SRPK3: variants seen among roughly 807,000 people sequenced by gnomAD.
The protein encoded by SRPK3 is SFRS protein kinase 3.
Under a neutral mutation model 45.3 loss-of-function variants are expected in SRPK3, and 26 were observed. That is an observed-to-expected ratio of 0.57 (90% confidence interval 0.42 to 0.80). The LOEUF is 0.80. Among genes scored for constraint, SRPK3 ranks in the 30% least tolerant of loss-of-function variants. The pLI is 0.00. For synonymous variants in SRPK3, 254 were observed against 226.6 expected (o/e 1.12, Z -1.09); for missense variants, 536 against 514.5 (o/e 1.04, Z -0.40).
Position 153,781,727 on chromosome X carries a change from G to T in SRPK3, c.300-16G>T. 8.3e-7 allele frequency: 1 copy of T among 1,210,677 alleles called. No individual in the cohort carries two copies. The highest frequency in any genetic ancestry group is 1.1e-6 in the Non-Finnish European group (1 of 894,964). On this transcript the variant is annotated splice_polypyrimidine_tract_variant and intron_variant, in intron 3 of 14. Transcript: ENST00000370101. ...TCCTGCCAGGGCCACAGCCTACAAGGGTCTCGGTATTGCAGGCGCAAGCGC... is the reference window on the plus strand; with the variant it reads ...TCCTGCCAGGGCCACAGCCTACAAGTGTCTCGGTATTGCAGGCGCAAGCGC...
Position 153,783,030 on chromosome X carries a change from G to A in SRPK3, c.660G>A (p.Leu220=), listed in dbSNP as rs782754940. 3.4e-6 allele frequency: 4 copies of A among 1,184,521 alleles called. No homozygotes were observed. In the East Asian group the frequency reaches 1.2e-4, roughly 35 times the overall value. ...HTDIKPENIL[L]CVGDAYIRRL... ...ACATCAAGCCCGAGAACATCTTGCT[G>A]TGTGTGGGGGACGCTTACATCAGGC... Residue 220 remains leucine, a synonymous_variant, in exon 7 of 15, where the codon CTG becomes CTA. Transcript: ENST00000370101.
rs1557068064 is a variant in SRPK3 at position 153,784,169 on chromosome X, G to A, written c.1103G>A (p.Gly368Asp). The A allele has an allele frequency of 8.3e-7, 1 of 1,210,840 alleles. No homozygotes were observed. The change falls in exon 10 of 15, where the codon GGC (glycine) becomes GAC (aspartate). Residue 368 changes from glycine (G) to aspartate (D), a missense_variant. By Grantham distance (94) the Gly-to-Asp change is moderately conservative. Coordinates refer to ENST00000370101, the MANE Select transcript of SRPK3 (RefSeq NM_014370.4). ...FSPASCSILS[G>D]SSNQRETGGL... ...CCTGCCTCCTGCTCCATCCTCTCCG[G>A]CTCGTCCAATCAGCGAGAGACCGGG...
At position 153,785,187 on chromosome X, in the gene SRPK3, C is replaced by A; in HGVS notation, c.1519+14C>A. 1 of 1,195,375 alleles carries A rather than the reference C, an allele frequency of 8.4e-7. No individual in the cohort carries two copies. Among genetic ancestry groups the A allele is most frequent in the South Asian group, 1.8e-5 (1 of 55,181 alleles). ...TCAACCGGAGAGGTGAGGGCCCGGGCAGCCTCAGGCCATGTGGCTGCAGGG... is the reference window on the plus strand; with the variant it reads ...TCAACCGGAGAGGTGAGGGCCCGGGAAGCCTCAGGCCATGTGGCTGCAGGG... On this transcript the variant is annotated intron_variant, in intron 14 of 14. Coordinates refer to ENST00000370101, the MANE Select transcript of SRPK3 (RefSeq NM_014370.4).
chrX:153,782,013 C>A, intron 4 of SRPK3, 108 bp from the exon 5 acceptor site: 1 of 906,579 alleles, frequency 1.1e-6, no homozygotes, highest in African/African-American at 1.9e-5. Context: ...GGGTTGGCGG[C>A]CTTTCTTCCA....
At chrX:153,784,648 C>A in intron 11 of SRPK3, 102 bp from the exon 12 acceptor site, 1 of 1,011,968 alleles carries the variant, frequency 9.9e-7, no homozygotes, top group Non-Finnish European at 1.4e-6. Flanking sequence ...CACAGCAAAC[C>A]CCACTGAGCT....
intron 7 of SRPK3, 31 bp from the exon 8 acceptor site, chrX:153,783,195 C>G (rs782261773): frequency 2.2e-5 from 21 of 968,152 alleles, no homozygotes; most frequent in Non-Finnish European, 2.9e-5. Context: ...CCTCCCTGTC[C>G]CCCCCCACCG....
chrX:153,783,522 C>A (rs782286055), intron 8 of SRPK3, among the ~76,000 whole-genome samples: 1 of 112,908 alleles, frequency 8.9e-6, no homozygotes, highest in East Asian at 2.8e-4. Context: ...TGAGGCGGGC[C>A]GGCCAGGTCT....
In SRPK3 at chrX:153,784,349, T is replaced by TAAGATC; in HGVS notation, c.1216_1221dup (p.Lys406_Ile407dup). 2.5e-6 allele frequency: 3 copies of TAAGATC among 1,211,181 alleles called. No homozygotes were observed. Among genetic ancestry groups the TAAGATC allele is most frequent in the Admixed American group, 2.2e-5 (1 of 46,097 alleles). On this transcript the variant is annotated inframe_insertion, in exon 11 of 15. Transcript: ENST00000370101. ...ACCCCCTGGAGCCCCAAAATGCAGA[T>TAAGATC]AAGATCAAGATCAAGATCGCAGACC...
rs781861218 is a variant in SRPK3 at position 153,782,225 on chromosome X, G to A, written c.475+17G>A. The stretch of plus-strand genomic sequence containing the variant: ...ATGGAGTCCGTATCCTTTGCAGGAA[G>A]AGCAAAGCAGTGTGGCAGCCAAGGG... On this transcript the variant is annotated intron_variant, in intron 5 of 14. Coordinates refer to ENST00000370101, the MANE Select transcript of SRPK3 (RefSeq NM_014370.4). 8.4e-7 allele frequency: 1 copy of A among 1,185,534 alleles called. No individual in the cohort carries two copies. Among genetic ancestry groups the A allele is most frequent in the East Asian group, 3.0e-5 (1 of 33,746 alleles).
At chrX:153,782,232 G>A in intron 5 of SRPK3, 24 bp downstream of exon 5, 1 of 1,172,032 alleles carries the variant, frequency 8.5e-7, no homozygotes, top group Non-Finnish European at 1.2e-6. Flanking sequence ...GAAGAGCAAA[G>A]CAGTGTGGCA....
intron 13 of SRPK3, 25 bp downstream of exon 13, chrX:153,785,028 AGCCTCCCG>A: frequency 1.7e-6 from 2 of 1,211,309 alleles, no homozygotes; most frequent in African/African-American, 3.4e-5. Flanking sequence ...CTCTGGGCTC[AGCCTCCCG>A]GCCTCCCGGC....
intron 13 of SRPK3, 26 bp from the exon 14 acceptor site, chrX:153,785,055 C>A: frequency 8.3e-7 from 1 of 1,211,253 alleles, no homozygotes; most frequent in Non-Finnish European, 1.1e-6. Context: ...GCCTGCCTGC[C>A]CCCAACCTCC....
chrX:153,784,470 C>T (rs2092072930), intron 11 of SRPK3, 76 bp downstream of exon 11: 3 of 1,075,272 alleles, frequency 2.8e-6, no homozygotes, highest in East Asian at 3.2e-5. Context: ...CTTGGGGAGC[C>T]CTACCCCAGT....
intron 8 of SRPK3, 48 bp downstream of exon 8, chrX:153,783,299 C>T: frequency 1.0e-6 from 1 of 985,274 alleles, no homozygotes; most frequent in African/African-American, 1.9e-5. Flanking sequence ...CCATCTGAGC[C>T]AACTGGAGGC....
chrX:153,785,600 G>T lies in SRPK3; in HGVS notation c.*80G>T. The T allele has an allele frequency of 9.0e-7, 1 of 1,108,952 alleles. No individual in the cohort carries two copies. The highest frequency in any genetic ancestry group is 1.2e-6 in the Non-Finnish European group (1 of 823,087). The allele number at this position is 1,108,952 out of a possible 1,213,427, so 91.4% of individuals were successfully genotyped here. A position where few individuals can be genotyped will look rare whatever the true frequency, so the allele number is the denominator to read the frequency against. ...GCTCCCACCACCCTGCTGGGCGCCAGTTCTCCACAACCACAGGGCAGAGAG... is the reference window on the plus strand; with the variant it reads ...GCTCCCACCACCCTGCTGGGCGCCATTTCTCCACAACCACAGGGCAGAGAG... On this transcript the variant is annotated 3_prime_UTR_variant, in exon 15 of 15. Transcript: ENST00000370101.
chrX:153,783,388 G>C (rs1557067697), intron 8 of SRPK3, 137 bp downstream of exon 8: 1 of 496,511 alleles, frequency 2.0e-6, no homozygotes, highest in African/African-American at 2.4e-5. Context: ...TGGGTGGCTG[G>C]GCTGACGGTA....
intron 13 of SRPK3, 32 bp downstream of exon 13, chrX:153,785,035 C>G (rs112997624): frequency 1.7e-6 from 2 of 1,209,806 alleles, no homozygotes; most frequent in African/African-American, 3.5e-5. Context: ...CTCAGCCTCC[C>G]GGCCTCCCGG....
intron 7 of SRPK3, 36 bp from the exon 8 acceptor site, chrX:153,783,190 C>A (rs782523802): frequency 2.0e-6 from 2 of 1,015,861 alleles, no homozygotes; most frequent in Non-Finnish European, 1.3e-6. Context: ...CTGTTCCTCC[C>A]TGTCCCCCCC....
At position 153,781,050 on chromosome X, in the gene SRPK3, C is replaced by T. The variant is rs993698056; in HGVS notation, c.-37C>T. 200 of 1,032,774 alleles carry T rather than the reference C, an allele frequency of 1.9e-4. 1 individual carries two copies. The highest frequency in any genetic ancestry group is 3.8e-4 in the Middle Eastern group (1 of 2,598). The allele number at this position is 1,032,774 out of a possible 1,213,427, so 85.1% of individuals were successfully genotyped here. A position where few individuals can be genotyped will look rare whatever the true frequency, so the allele number is the denominator to read the frequency against. On this transcript the variant is annotated 5_prime_UTR_variant, in exon 1 of 15. Coordinates refer to ENST00000370101, the MANE Select transcript of SRPK3 (RefSeq NM_014370.4). The stretch of plus-strand genomic sequence containing the variant: ...CGCGGCCGGGCCCCACAGGAGCAGC[C>T]GCCCGGGGCACCGGAGCTGCGGGCT...
Sources: allele counts gnomAD v4.1 joint callset (sites outside exome capture counted in the v4.1 genomes callset), GRCh38; gene constraint gnomAD v4.1.1; transcripts MANE v1.5; gene names NCBI Gene and HGNC (gene_info 2026-07-23, HGNC 2026-07-21).